The following HOOK2 variants were observed in gnomAD, a reference collection of about 807,000 sequenced individuals.
HOOK2 encodes hook microtubule tethering protein 2.
In HOOK2, 108 loss-of-function variants were observed where a neutral mutation model predicts 111.9. That is an observed-to-expected ratio of 0.96 (90% CI 0.83 to 1.13). The LOEUF (loss-of-function observed/expected upper bound fraction) is 1.13. HOOK2 is among the 50% of genes most tolerant of loss of function. The probability of loss-of-function intolerance (pLI) is 0.00; values close to 1 mark genes in which losing one functional copy is unlikely to be tolerated. For missense variants in HOOK2, 978 were observed against 951.3 expected, an observed-to-expected ratio of 1.03 and a Z score of -0.37; for synonymous variants, 405 against 394.3, an observed-to-expected ratio of 1.03 and a Z score of -0.32.
chr19:12,789,421 T>C lies in HOOK2; in HGVS notation n.42-15196A>G, dbSNP rs3907089. On this transcript the variant is annotated intron_variant and non_coding_transcript_variant, in intron 3 of 3. Transcript: ENST00000589765. ...TGACTCGGGGAGGGAAGCTCTCAGATGACAGAGCTACTCTAGGGAAGGAGG... is the reference window on the plus strand; with the variant it reads ...TGACTCGGGGAGGGAAGCTCTCAGACGACAGAGCTACTCTAGGGAAGGAGG... Among the ~76,000 whole-genome samples the C allele has an allele frequency of 1.9e-3, 290 of 152,180 alleles. 1 individual carries two copies. Among genetic ancestry groups the C allele is most frequent in the Admixed American group, 6.6e-3 (101 of 15,300 alleles).
At chr19:12,773,231 CTTTTTTTT>C (rs373156108) in intron 3 of HOOK2, 187 bp from the exon 4 acceptor site, 17,560 of 254,686 alleles carry the variant, frequency 0.069, 507 homozygotes, top group African/African-American at 0.19. Context: ...ATCTTTGTTT[CTTTTTTTT>C]TTTTTTTTTT....
chr19:12,771,345 T>G lies in HOOK2; in HGVS notation c.601-26A>C. On this transcript the variant is annotated intron_variant, in intron 8 of 22. Coordinates refer to ENST00000397668, the MANE Select transcript of HOOK2 (RefSeq NM_013312.3). ...CTGCGGGCAGGGCAGAAAGATGAGC[T>G]TGGGCTTGGAGAGGGGCTACTCAAG... The G allele has an allele frequency of 1.9e-6, 3 of 1,607,000 alleles. 1 individual carries two copies. In the South Asian group the frequency reaches 3.3e-5, roughly 18 times the overall value.
chr19:12,763,233 G>A lies in HOOK2; in HGVS notation c.*49C>T, dbSNP rs758131946. 1 of 1,590,772 alleles carries A rather than the reference G, an allele frequency of 6.3e-7. No homozygotes were observed. Among genetic ancestry groups the A allele is most frequent in the South Asian group, 1.1e-5 (1 of 88,722 alleles). On this transcript the variant is annotated 3_prime_UTR_variant, in exon 23 of 23. Coordinates refer to ENST00000397668, the MANE Select transcript of HOOK2 (RefSeq NM_013312.3). ...CCAGTGCTGGGCGCCATGTGAGCTG[G>A]AGGAAGCCAGGGTGGGTGGAGCCCA...
chr19:12,774,944 G>T, intron 1 of HOOK2, 47 bp from the exon 2 acceptor site: 1 of 1,543,558 alleles, frequency 6.5e-7, no homozygotes, highest in Non-Finnish European at 8.9e-7. Context: ...GCCTGGGAGC[G>T]CCGAACCGCT....
In HOOK2 at chr19:12,774,754, A is replaced by G; in HGVS notation, c.132-13T>C. Reference sequence around the variant, plus strand: ...CCAGGAGGGGTCTCTGGGGGCGAGAAGGTGGGATGAGCAGACTGGGGGACA... The same window carrying G: ...CCAGGAGGGGTCTCTGGGGGCGAGAGGGTGGGATGAGCAGACTGGGGGACA... On this transcript the variant is annotated splice_polypyrimidine_tract_variant and intron_variant, in intron 2 of 22. Transcript: ENST00000397668. 2 of 1,613,696 alleles carry G rather than the reference A, an allele frequency of 1.2e-6. No individual in the cohort carries two copies. The highest frequency in any genetic ancestry group is 1.7e-6 in the Non-Finnish European group (2 of 1,179,626).
chr19:12,768,205 G>T lies in HOOK2; in HGVS notation c.1105-82C>A. 12 of 1,130,494 alleles carry T rather than the reference G, an allele frequency of 1.1e-5. 1 individual carries two copies. In the South Asian group the frequency reaches 1.5e-4, roughly 14 times the overall value. 70.0% of individuals were successfully genotyped at this position (1,130,494 alleles called of 1,614,324 possible). ...TGAGTACAAATGGTCCCCGATCCAG[G>T]ATGCTTTGACTTATTATTTTTTTGA... On this transcript the variant is annotated intron_variant, in intron 11 of 22. Coordinates refer to ENST00000397668, the MANE Select transcript of HOOK2 (RefSeq NM_013312.3).
chr19:12,771,424 C>T lies in HOOK2; in HGVS notation c.573G>A (p.Gln191=), dbSNP rs758632052. 6.2e-7 allele frequency: 1 copy of T among 1,613,718 alleles called. No homozygotes were observed. ...GCCGCTCCAGATCCAGACAGCGCTGCTGTAATTCGTCCCCCTCCTCAGCCT... is the reference window on the plus strand; with the variant it reads ...GCCGCTCCAGATCCAGACAGCGCTGTTGTAATTCGTCCCCCTCCTCAGCCT... ...SEEAEEGDEL[Q]QRCLDLERQL... Residue 191 remains glutamine (Q), a synonymous_variant, in exon 8 of 23, where the codon CAG becomes CAA. Coordinates refer to ENST00000397668, the MANE Select transcript of HOOK2 (RefSeq NM_013312.3).
intron 3 of HOOK2, 65 bp downstream of exon 3, chr19:12,774,604 C>T: frequency 6.7e-7 from 1 of 1,483,556 alleles, no homozygotes; most frequent in Non-Finnish European, 9.4e-7. Context: ...GGACATGTGC[C>T]TAGCTGGCCC....
In HOOK2 at chr19:12,790,040, G is replaced by C. The variant is rs941583361; in HGVS notation, n.42-15815C>G. ...CCTGTTGCCATGGCGACCAGGCCCCGCTCCTCGGCTGCGTCCCCCGCCGTC... is the reference window on the plus strand; with the variant it reads ...CCTGTTGCCATGGCGACCAGGCCCCCCTCCTCGGCTGCGTCCCCCGCCGTC... On this transcript the variant is annotated intron_variant and non_coding_transcript_variant, in intron 3 of 3. Transcript: ENST00000589765. The surrounding 1 kb of genome is among the most constrained non-coding windows in gnomAD (Gnocchi z 7.2). Among the ~76,000 whole-genome samples, 1 of 152,118 alleles carries C rather than the reference G, an allele frequency of 6.6e-6. No homozygotes were observed. The highest frequency in any genetic ancestry group is 1.5e-5 in the Non-Finnish European group (1 of 67,998).
intron 11 of HOOK2, among the ~76,000 whole-genome samples, chr19:12,769,258 C>T (rs373225740): frequency 2.9e-4 from 44 of 152,240 alleles, no homozygotes; most frequent in African/African-American, 9.6e-4. Context: ...AGCCACCACG[C>T]CCAGACTAAT....
intron 11 of HOOK2, among the ~76,000 whole-genome samples, chr19:12,769,647 C>T (rs748359758): frequency 2.0e-5 from 3 of 152,176 alleles, no homozygotes; most frequent in Non-Finnish European, 4.4e-5. Context: ...GGAAATCAAG[C>T]AGCATGGTGA....
In HOOK2 at chr19:12,766,230, G is replaced by C. The variant is rs1254639319; in HGVS notation, c.1384C>G (p.Leu462Val). ...ILPAELRETL[L>V]RLQLENKRLC... ...CGCTTGTTCTCCAGCTGAAGCCGCAGGAGCGTCTCCCTGCAGACCCGGGAG... is the reference window on the plus strand; with the variant it reads ...CGCTTGTTCTCCAGCTGAAGCCGCACGAGCGTCTCCCTGCAGACCCGGGAG... Residue 462 changes from leucine (L) to valine (V), a missense_variant, in exon 15 of 23, where the codon CTG becomes GTG. Leu to Val is a conservative substitution (Grantham distance 32, BLOSUM62 1). Around this residue, in one of 5 missense-constraint regions of HOOK2, gnomAD observed 388 missense variants for 358.3 expected, o/e 1.08. Transcript: ENST00000397668. 6.3e-7 allele frequency: 1 copy of C among 1,583,312 alleles called. No homozygotes were observed. The highest frequency in any genetic ancestry group is 2.3e-5 in the East Asian group (1 of 44,182).
intron 13 of HOOK2, 34 bp downstream of exon 13, chr19:12,767,782 A>G (rs997587512): frequency 2.5e-6 from 4 of 1,583,330 alleles, no homozygotes; most frequent in Non-Finnish European, 3.4e-6. Flanking sequence ...GTACACCAGG[A>G]CAGGTAAGAC....
In HOOK2 at chr19:12,770,002, C is replaced by G. The variant is rs775453815; in HGVS notation, c.983G>C (p.Arg328Pro). The change falls in exon 11 of 23, where the codon CGG becomes CCG. Residue 328 changes from arginine to proline, a missense_variant. Physicochemically the swap from Arg to Pro is moderately radical, Grantham distance 103. Transcript: ENST00000397668. ...TTCCTCCAGCTGCCGCACCTGCCGCCGCAGCTCCCTCAGCTCGCCCAAGCG... is the reference window on the plus strand; with the variant it reads ...TTCCTCCAGCTGCCGCACCTGCCGCGGCAGCTCCCTCAGCTCGCCCAAGCG... Reference protein sequence around the residue: ...RRRLGELRELRRQVRQLEERN... With the variant: ...RRRLGELRELPRQVRQLEERN... 5 of 1,544,272 alleles carry G rather than the reference C, an allele frequency of 3.2e-6. No homozygotes were observed. In the African/African-American group the frequency reaches 4.1e-5, roughly 13 times the overall value.
chr19:12,789,434 C>G (rs958363258), intron 3 of HOOK2, among the ~76,000 whole-genome samples: 1 of 152,034 alleles, frequency 6.6e-6, no homozygotes, highest in Non-Finnish European at 1.5e-5. Flanking sequence ...CAGAGCTACT[C>G]TAGGGAAGGA....
chr19:12,783,334 T>G (rs1280864956), upstream of HOOK2, among the ~76,000 whole-genome samples: 1 of 102,590 alleles, frequency 9.7e-6, no homozygotes. Context: ...TCTGAATTGG[T>G]AGACCCCCCA....
rs1032374540 is a variant in HOOK2, at chr19:12,791,670, A to G, written n.42-17445T>C. The G allele has an allele frequency of 1.1e-4, 87 of 811,774 alleles. No individual in the cohort carries two copies. Among genetic ancestry groups the G allele is most frequent in the Non-Finnish European group, 1.4e-4 (76 of 556,586 alleles). The allele number at this position is 811,774 out of a possible 1,614,324, so 50.3% of individuals were successfully genotyped here. A position where few individuals can be genotyped will look rare whatever the true frequency, so the allele number is the denominator to read the frequency against. ...CGCCAGCCCCCGAGAACGCGCGACC[A>G]GGCACCCAGTCCGGTCACCGCAGCG... On this transcript the variant is annotated intron_variant and non_coding_transcript_variant, in intron 3 of 3. Coordinates refer to the HOOK2 transcript ENST00000589765. The surrounding 1 kb of genome is among the most constrained non-coding windows in gnomAD (Gnocchi z 7.0).
chr19:12,778,389 G>C (rs1004000223), upstream of HOOK2: 1 of 152,248 alleles, frequency 6.6e-6, no homozygotes, highest in Non-Finnish European at 1.5e-5. Flanking sequence ...ACCTCCTCCC[G>C]CGTGGTTTTC....
intron 13 of HOOK2, 27 bp from the exon 14 acceptor site, chr19:12,767,491 G>T: frequency 6.3e-7 from 1 of 1,583,714 alleles, no homozygotes; most frequent in Non-Finnish European, 8.7e-7. Flanking sequence ...AAGTCTTCAG[G>T]TCTCTTCGCA....
Sources: allele counts gnomAD v4.1 joint callset (sites outside exome capture counted in the v4.1 genomes callset), GRCh38; gene constraint gnomAD v4.1.1; regional missense constraint gnomAD v4.1.1; non-coding constraint Gnocchi (gnomAD v3.1); transcripts MANE v1.5; gene names NCBI Gene and HGNC (gene_info 2026-07-23, HGNC 2026-07-21).